SLC26A7: variants seen among roughly 807,000 people sequenced by gnomAD.
The protein encoded by SLC26A7 is solute carrier family 26 member 7, also known as anion exchange transporter.
In SLC26A7, 59 loss-of-function variants were observed where a neutral mutation model predicts 82.5. The observed-to-expected ratio is 0.72, with a 90% CI of 0.58 to 0.89. The LOEUF is 0.89. SLC26A7 is among the 40% of genes least tolerant of loss of function. The probability of loss-of-function intolerance (pLI) is 0.00; values close to 1 mark genes in which losing one functional copy is unlikely to be tolerated. For synonymous variants in SLC26A7, 271 were observed against 274.3 expected (o/e 0.99, Z 0.12); for missense variants, 820 against 793.0 (o/e 1.03, Z -0.41).
At chr8:91,289,647 GAA>G (rs111279250) in intron 3 of SLC26A7, among the ~76,000 whole-genome samples, 1 of 117,730 alleles carries the variant, frequency 8.5e-6, no homozygotes. Context: ...TCTGTCTCAA[GAA>G]AAAAAAAAAA....
chr8:91,394,053 G>T lies in SLC26A7; in HGVS notation c.1935+14G>T. The stretch of plus-strand genomic sequence containing the variant: ...CATTCAAATAAGGTGAGTTGATTAA[G>T]TTGGGCTGAAGGAGTTATAAGAATA... On this transcript the variant is annotated intron_variant, in intron 18 of 18. Coordinates refer to ENST00000276609, the MANE Select transcript of SLC26A7 (RefSeq NM_052832.4). 6.2e-7 allele frequency: 1 copy of T among 1,608,210 alleles called. No individual in the cohort carries two copies. The highest frequency in any genetic ancestry group is 8.5e-7 in the Non-Finnish European group (1 of 1,175,446).
intron 11 of SLC26A7, among the ~76,000 whole-genome samples, chr8:91,359,392 A>G (rs888803115): frequency 3.9e-5 from 6 of 152,208 alleles, no homozygotes; most frequent in African/African-American, 1.2e-4. Context: ...TGGAGGAAGG[A>G]CAGATTCTGG....
At chr8:91,342,056 T>G (rs1440443746) in intron 8 of SLC26A7, among the ~76,000 whole-genome samples, 1 of 152,010 alleles carries the variant, frequency 6.6e-6, no homozygotes, top group Non-Finnish European at 1.5e-5. Context: ...GCCTCCCCAG[T>G]AGCTGAGACT....
chr8:91,383,517 T>G (rs1167121276), intron 15 of SLC26A7, among the ~76,000 whole-genome samples: 1 of 152,098 alleles, frequency 6.6e-6, no homozygotes, highest in Non-Finnish European at 1.5e-5. Context: ...AAAAATCGTT[T>G]CAGAAGGAAA....
intron 2 of SLC26A7, among the ~76,000 whole-genome samples, chr8:91,270,276 C>A (rs1811233504): frequency 6.6e-6 from 1 of 152,186 alleles, no homozygotes; most frequent in Admixed American, 6.5e-5. Flanking sequence ...CGCAGGCCTG[C>A]TATTCCTTTC....
chr8:91,258,092 T>C lies in SLC26A7; in HGVS notation c.193+8248T>C, dbSNP rs529185187. Among the ~76,000 whole-genome samples, 71 of 152,038 alleles carry C rather than the reference T, an allele frequency of 4.7e-4. 2 individuals are homozygous for C. Among genetic ancestry groups the C allele is most frequent in the Middle Eastern group, 6.8e-3 (2 of 294 alleles). ...CCATGATTCAATTACCTCCACTTGGTCCCCACTCCACATGGGGATTATGGG... is the reference window on the plus strand; with the variant it reads ...CCATGATTCAATTACCTCCACTTGGCCCCCACTCCACATGGGGATTATGGG... On this transcript the variant is annotated intron_variant, in intron 2 of 18. Coordinates refer to ENST00000276609, the MANE Select transcript of SLC26A7 (RefSeq NM_052832.4).
At position 91,334,423 on chromosome 8, in the gene SLC26A7, T is replaced by A. The variant is rs571683111; in HGVS notation, c.771T>A (p.Val257=). ...AACAGTTTAAAAGGAAAATTAAAGT[T>A]GTTCTTCCTGTAGATTTAGTTTTGG... The part of the protein sequence containing the change: ...LNEQFKRKIK[V]VLPVDLVLII... The change falls in exon 6 of 19, where the codon GTT becomes GTA. Residue 257 remains valine (V), a synonymous_variant. Coordinates refer to ENST00000276609, the MANE Select transcript of SLC26A7 (RefSeq NM_052832.4). 3.1e-6 allele frequency: 5 copies of A among 1,612,470 alleles called. No individual in the cohort carries two copies. Among genetic ancestry groups the A allele is most frequent in the Non-Finnish European group, 4.2e-6 (5 of 1,179,308 alleles).
intron 4 of SLC26A7, among the ~76,000 whole-genome samples, chr8:91,300,953 A>G (rs949174601): frequency 6.6e-6 from 1 of 152,210 alleles, no homozygotes; most frequent in Non-Finnish European, 1.5e-5. Flanking sequence ...TAGAAACTAG[A>G]AAAAATGTTG....
chr8:91,225,534 C>T (rs189402787), intron 2 of SLC26A7, among the ~76,000 whole-genome samples: 301 of 148,222 alleles, frequency 2.0e-3, no homozygotes, highest in African/African-American at 6.9e-3. Flanking sequence ...CCTTGGTTGC[C>T]GGTGAAGGAT....
At chr8:91,243,321 G>A (rs1210746967) in intron 2 of SLC26A7, among the ~76,000 whole-genome samples, 1 of 152,128 alleles carries the variant, frequency 6.6e-6, no homozygotes, top group Non-Finnish European at 1.5e-5. Flanking sequence ...TAAAACGATG[G>A]TGTCAAGATT....
intron 15 of SLC26A7, among the ~76,000 whole-genome samples, chr8:91,386,807 C>A (rs532736335): frequency 2.0e-5 from 3 of 152,136 alleles, no homozygotes; most frequent in Non-Finnish European, 1.5e-5. Context: ...ATATACACAA[C>A]TGACTTTCAA....
chr8:91,359,780 T>G (rs181912323), intron 11 of SLC26A7, among the ~76,000 whole-genome samples: 1 of 152,178 alleles, frequency 6.6e-6, no homozygotes, highest in East Asian at 1.9e-4. Flanking sequence ...CACAGACTTT[T>G]GTGGATATAG....
At chr8:91,297,336 T>G (rs1049288028) in intron 4 of SLC26A7, among the ~76,000 whole-genome samples, 1 of 151,924 alleles carries the variant, frequency 6.6e-6, no homozygotes, top group Non-Finnish European at 1.5e-5. Flanking sequence ...TCAGGTATTC[T>G]GTTATTATCT....
chr8:91,268,803 A>G (rs1811184714), intron 2 of SLC26A7, among the ~76,000 whole-genome samples: 1 of 151,160 alleles, frequency 6.6e-6, no homozygotes, highest in Non-Finnish European at 1.5e-5. Flanking sequence ...TAGTAAAGAG[A>G]AAGTCTGTTC....
chr8:91,394,599 T>G, intron 18 of SLC26A7: 1 of 1,174,650 alleles, frequency 8.5e-7, no homozygotes, highest in South Asian at 2.7e-5. Flanking sequence ...GTTTTGCCTT[T>G]CCTCACCCCT....
chr8:91,372,899 T>A (rs1365046594), intron 15 of SLC26A7, among the ~76,000 whole-genome samples: 1 of 152,004 alleles, frequency 6.6e-6, no homozygotes, highest in African/African-American at 2.4e-5. Flanking sequence ...CTGCAATTTC[T>A]TTCATCAGTG....
At chr8:91,350,035 C>CT (rs969849616) in intron 9 of SLC26A7, among the ~76,000 whole-genome samples, 36 of 152,098 alleles carry the variant, frequency 2.4e-4, no homozygotes, top group Admixed American at 3.9e-4. Flanking sequence ...TGTACTATAA[C>CT]TTTTTTTATG....
At chr8:91,373,699 T>C (rs1250794724) in intron 15 of SLC26A7, among the ~76,000 whole-genome samples, 7 of 151,984 alleles carry the variant, frequency 4.6e-5, no homozygotes, top group Admixed American at 2.0e-4. Context: ...TTTTATTGTG[T>C]CCTTACCAGA....
At chr8:91,366,120 T>TA (rs1814185767) in intron 13 of SLC26A7, among the ~76,000 whole-genome samples, 1 of 152,208 alleles carries the variant, frequency 6.6e-6, no homozygotes, top group East Asian at 1.9e-4. Flanking sequence ...TAATCACTTG[T>TA]AAAGTTATAT....
Sources: gnomAD v4.1 joint callset for allele counts (sites outside exome capture counted in the v4.1 genomes callset) on GRCh38, gnomAD v4.1.1 for gene constraint, MANE v1.5 for transcripts, NCBI Gene and HGNC (gene_info 2026-07-23, HGNC 2026-07-21) for gene names.